The following ABAT variants were observed in gnomAD, a reference collection of about 807,000 sequenced individuals.
ABAT encodes the protein 4-aminobutyrate aminotransferase, mitochondrial.
Under a neutral mutation model 64.6 loss-of-function variants are expected in ABAT, and 45 were observed. The observed-to-expected ratio is 0.70, with a 90% CI of 0.55 to 0.89. The LOEUF (loss-of-function observed/expected upper bound fraction) is 0.89. Ranked by LOEUF, ABAT falls within the 40% of genes least tolerant of loss-of-function variation. The pLI, the probability that ABAT is intolerant of heterozygous loss-of-function variation, is 0.00. For synonymous variants in ABAT, 297 were observed against 250.5 expected (o/e 1.19, Z -1.75); for missense variants, 633 against 658.4 (o/e 0.96, Z 0.42).
intron 6 of ABAT, among the ~76,000 whole-genome samples, chr16:8,759,287 T>C (rs1185338602): frequency 3.3e-5 from 5 of 152,054 alleles, no homozygotes; most frequent in Admixed American, 2.6e-4. Flanking sequence ...TATCATGAAA[T>C]TGAAATAGAA....
intron 9 of ABAT, 131 bp from the exon 10 acceptor site, chr16:8,768,062 G>A (rs2059996684): frequency 1.1e-6 from 1 of 930,700 alleles, no homozygotes; most frequent in Admixed American, 1.9e-5. Flanking sequence ...TGGTCCCATG[G>A]GTAACTTTTG....
At chr16:8,755,132 T>C (rs1229071263) in intron 5 of ABAT, among the ~76,000 whole-genome samples, 1 of 150,712 alleles carries the variant, frequency 6.6e-6, no homozygotes, top group African/African-American at 2.5e-5. Flanking sequence ...AGTCGTTGAT[T>C]CGTTTTTGTT....
In ABAT at chr16:8,768,898, G is replaced by A. The variant is rs201170840; in HGVS notation, c.741G>A (p.Pro247=). 87 of 1,614,126 alleles carry A rather than the reference G, an allele frequency of 5.4e-5. No homozygotes were observed. The highest frequency in any genetic ancestry group is 1.1e-4 in the East Asian group (5 of 44,866). The change falls in exon 11 of 16, where the codon CCG becomes CCA. Residue 247 remains proline, a synonymous_variant. Transcript: ENST00000268251. ...CTTCCTTTGACTGGCCCATCGCACC[G>A]TTCCCACGGCTGAAATACCCTCTGG... The part of the protein sequence containing the change: ...DIPSFDWPIA[P]FPRLKYPLEE...
At chr16:8,679,434 A>G (rs1468070494) in intron 1 of ABAT, among the ~76,000 whole-genome samples, 1 of 151,814 alleles carries the variant, frequency 6.6e-6, no homozygotes, top group African/African-American at 2.4e-5. Context: ...GCTTCCACCC[A>G]CGTGATGACC....
In ABAT at chr16:8,776,666, C is replaced by G. The variant is rs2060273695; in HGVS notation, c.1269+176C>G. 6.6e-6 allele frequency among the ~76,000 whole-genome samples: 1 copy of G among 152,180 alleles called. No individual in the cohort carries two copies. The highest frequency in any genetic ancestry group is 6.5e-5 in the Admixed American group (1 of 15,280). On this transcript the variant is annotated intron_variant, in intron 14 of 15. Transcript: ENST00000268251. The surrounding 1 kb of genome is among the most constrained non-coding windows in gnomAD (Gnocchi z 4.4). ...CATGCTGTGTCCTCTGCAGGGGATG[C>G]CTCCCTATCCCTCCATCCCATTCCA...
Position 8,781,628 on chromosome 16 carries a change from G to C in ABAT, c.*198G>C, listed in dbSNP as rs2060442260. ...GCTGGTGTTGATTTTCCTCCCTGCA[G>C]AGCCAATGGTGCACATTGGTTTAAG... On this transcript the variant is annotated 3_prime_UTR_variant, in exon 16 of 16. Transcript: ENST00000268251. This position sits in a 1 kb window ranked among gnomAD's most constrained non-coding sequence, Gnocchi z 4.5. 4.3e-6 allele frequency: 3 copies of C among 699,790 alleles called. No homozygotes were observed. In the East Asian group the frequency reaches 8.8e-5, roughly 21 times the overall value. 43.3% of individuals were successfully genotyped at this position (699,790 alleles called of 1,614,324 possible).
At position 8,783,441 on chromosome 16, in the gene ABAT, G is replaced by A. The variant is rs1162923854; in HGVS notation, c.*2011G>A. 6.6e-6 allele frequency: 1 copy of A among 152,212 alleles called. No homozygotes were observed. The highest frequency in any genetic ancestry group is 2.4e-5 in the African/African-American group (1 of 41,422). 9.4% of individuals were successfully genotyped at this position (152,212 alleles called of 1,614,324 possible). ...CCCAAGGGTCAGAGGAGGTTTCAAAGAAAAGGTGTCATTGGAGCAGTGTTT... is the reference window on the plus strand; with the variant it reads ...CCCAAGGGTCAGAGGAGGTTTCAAAAAAAAGGTGTCATTGGAGCAGTGTTT... On this transcript the variant is annotated 3_prime_UTR_variant, in exon 16 of 16. Transcript: ENST00000268251.
At chr16:8,707,929 G>T (rs768970915) in intron 1 of ABAT, among the ~76,000 whole-genome samples, 10 of 152,152 alleles carry the variant, frequency 6.6e-5, no homozygotes, top group Non-Finnish European at 1.5e-4. Context: ...TGAAACTCAT[G>T]AAATCATCAC....
intron 1 of ABAT, among the ~76,000 whole-genome samples, chr16:8,723,590 G>A (rs961182771): frequency 7.2e-5 from 11 of 151,988 alleles, no homozygotes; most frequent in Non-Finnish European, 1.5e-4. Context: ...TATAAGACAG[G>A]AGCAAGTCAG....
chr16:8,711,370 G>T (rs557211569), intron 1 of ABAT, among the ~76,000 whole-genome samples: 1 of 152,336 alleles, frequency 6.6e-6, no homozygotes, highest in South Asian at 2.1e-4. Flanking sequence ...AAGTAAGGAG[G>T]GAGAGGGTGG....
intron 11 of ABAT, among the ~76,000 whole-genome samples, chr16:8,770,366 T>A (rs1374068092): frequency 6.6e-6 from 1 of 152,180 alleles, no homozygotes; most frequent in Non-Finnish European, 1.5e-5. Context: ...CTCGATCTCC[T>A]GACCTTGTGA....
At position 8,781,660 on chromosome 16, in the gene ABAT, G is replaced by A. The variant is rs1466876168; in HGVS notation, c.*230G>A. On this transcript the variant is annotated 3_prime_UTR_variant, in exon 16 of 16. Transcript: ENST00000268251. This position sits in a 1 kb window ranked among gnomAD's most constrained non-coding sequence, Gnocchi z 4.5. The stretch of plus-strand genomic sequence containing the variant: ...TGGTGCACATTGGTTTAAGCCCAGA[G>A]ATCCTGCTTGAGCCCTGGACTCATC... 4.9e-6 allele frequency: 3 copies of A among 611,852 alleles called. No individual in the cohort carries two copies. The highest frequency in any genetic ancestry group is 8.7e-6 in the Non-Finnish European group (3 of 344,790). The allele number at this position is 611,852 out of a possible 1,614,324, so 37.9% of individuals were successfully genotyped here.
At chr16:8,778,271 C>T (rs1367804403) in intron 14 of ABAT, among the ~76,000 whole-genome samples, 3 of 152,178 alleles carry the variant, frequency 2.0e-5, no homozygotes, top group Non-Finnish European at 4.4e-5. Flanking sequence ...AGTTTGGAGG[C>T]CAGGGTCTGA....
chr16:8,722,294 T>C (rs527708811), intron 1 of ABAT, among the ~76,000 whole-genome samples: 1 of 152,274 alleles, frequency 6.6e-6, no homozygotes, highest in Non-Finnish European at 1.5e-5. Flanking sequence ...AAGATAGCAA[T>C]TAGGTTTTTT....
intron 1 of ABAT, among the ~76,000 whole-genome samples, chr16:8,724,138 G>A (rs1317650349): frequency 1.3e-5 from 2 of 151,760 alleles, no homozygotes; most frequent in Admixed American, 6.6e-5. Context: ...ACTGCGCCCA[G>A]CCCCAAGCTT....
chr16:8,722,178 T>C (rs2058391388), intron 1 of ABAT, among the ~76,000 whole-genome samples: 1 of 152,262 alleles, frequency 6.6e-6, no homozygotes, highest in Non-Finnish European at 1.5e-5. Context: ...CCTGGGGCTA[T>C]AGCCTTGGGC....
intron 2 of ABAT, chr16:8,738,344 G>A (rs2059044068): frequency 2.2e-6 from 1 of 445,996 alleles, no homozygotes; most frequent in African/African-American, 2.0e-5. Context: ...AGTTTTTAAA[G>A]ACACTAAGAA....
At chr16:8,770,524 G>A (rs369756295) in intron 11 of ABAT, among the ~76,000 whole-genome samples, 8 of 151,966 alleles carry the variant, frequency 5.3e-5, no homozygotes, top group African/African-American at 1.9e-4. Context: ...CTGCAGTCTC[G>A]ACCTCTCTGG....
intron 1 of ABAT, chr16:8,714,705 G>A (rs561970898): frequency 6.6e-6 from 1 of 152,622 alleles, no homozygotes; most frequent in Admixed American, 6.5e-5. Context: ...GCATGTCCCT[G>A]GGTATTTGGG....
Sources: gnomAD v4.1 joint callset for allele counts (sites outside exome capture counted in the v4.1 genomes callset) on GRCh38, gnomAD v4.1.1 for gene constraint, Gnocchi (gnomAD v3.1) non-coding constraint, MANE v1.5 for transcripts, NCBI Gene and HGNC (gene_info 2026-07-23, HGNC 2026-07-21) for gene names.